Variants in GDA observed in about 807,000 individuals in gnomAD.
GDA encodes the protein cytoplasmic PSD-95 interactor.
In GDA, 18 loss-of-function variants were observed where a neutral mutation model predicts 59.6. That is an observed-to-expected ratio of 0.30 (90% CI 0.21 to 0.45). The LOEUF is 0.45. Ranked by LOEUF, GDA falls within the 20% of genes least tolerant of loss-of-function variation. GDA has a pLI of 1.00. For synonymous variants in GDA, 201 were observed against 201.1 expected (o/e 1.00, Z 0.00); for missense variants, 427 against 552.3 (o/e 0.77, Z 2.27).
chr9:72,168,987 A>T (rs937712638), intron 1 of GDA, among the ~76,000 whole-genome samples: 2 of 152,230 alleles, frequency 1.3e-5, no homozygotes, highest in Non-Finnish European at 2.9e-5. Flanking sequence ...CTCAAGATAT[A>T]GTCACCAGCC....
chr9:72,228,146 CTG>C, intron 9 of GDA, 106 bp downstream of exon 9: 2 of 709,684 alleles, frequency 2.8e-6, no homozygotes, highest in African/African-American at 1.7e-5. Context: ...CCCCTCTATT[CTG>C]TGTTTGGCAG....
At chr9:72,181,465 C>A (rs566603105) in intron 1 of GDA, among the ~76,000 whole-genome samples, 1 of 152,246 alleles carries the variant, frequency 6.6e-6, no homozygotes, top group East Asian at 1.9e-4. Context: ...ACTGGGATTA[C>A]AAGCGCCCGC....
intron 1 of GDA, among the ~76,000 whole-genome samples, chr9:72,133,310 ATAAT>A (rs1335046711): frequency 8.1e-6 from 1 of 123,472 alleles, no homozygotes; most frequent in African/African-American, 2.8e-5. Context: ...AAAAAAAAAA[ATAAT>A]AATAATAATA....
chr9:72,116,571 C>G (rs1002783947), intron 1 of GDA, among the ~76,000 whole-genome samples: 3 of 151,786 alleles, frequency 2.0e-5, no homozygotes, highest in African/African-American at 4.8e-5. Context: ...TTAGTAGAGA[C>G]GGAGTTTCAC....
At chr9:72,195,099 C>T (rs1335579059) in intron 1 of GDA, among the ~76,000 whole-genome samples, 2 of 152,200 alleles carry the variant, frequency 1.3e-5, no homozygotes, top group Non-Finnish European at 2.9e-5. Flanking sequence ...ACCATGACTG[C>T]TCACCTGATT....
At chr9:72,240,549 T>G (rs74410621) in intron 10 of GDA, among the ~76,000 whole-genome samples, 2,093 of 152,298 alleles carry the variant, frequency 0.014, 45 homozygotes, top group African/African-American at 0.048. Context: ...AAATGTGACC[T>G]CATTTGGAAT....
Position 72,197,946 on chromosome 9 carries a change from G to C in GDA, c.212+2358G>C, listed in dbSNP as rs181734280. 2.3e-3 allele frequency among the ~76,000 whole-genome samples: 351 copies of C among 152,250 alleles called. 2 individuals are homozygous for C. Among genetic ancestry groups the C allele is most frequent in the African/African-American group, 8.2e-3 (341 of 41,540 alleles). On this transcript the variant is annotated intron_variant, in intron 2 of 13. Coordinates refer to ENST00000358399, the MANE Select transcript of GDA (RefSeq NM_004293.5). ...GCAGTGCTGTGGTAGGAGTGAATCA[G>C]ATGGTGGCCATGGACCCTGGACAGG...
At chr9:72,165,740 A>C (rs1307262427) in intron 1 of GDA, among the ~76,000 whole-genome samples, 1 of 152,066 alleles carries the variant, frequency 6.6e-6, no homozygotes, top group Non-Finnish European at 1.5e-5. Flanking sequence ...TCTACTAAAA[A>C]TACAAAAATT....
At chr9:72,230,141 G>A (rs548794453) in intron 9 of GDA, among the ~76,000 whole-genome samples, 16 of 152,110 alleles carry the variant, frequency 1.1e-4, no homozygotes, top group Non-Finnish European at 2.2e-4. Flanking sequence ...AAACCACTTT[G>A]ACCTTTGCAA....
chr9:72,197,882 G>T (rs1325921347), intron 2 of GDA, among the ~76,000 whole-genome samples: 1 of 152,062 alleles, frequency 6.6e-6, no homozygotes, highest in African/African-American at 2.4e-5. Context: ...GTACTGTCTG[G>T]ATTTTTAGAA....
chr9:72,191,566 G>A (rs1315143127), intron 1 of GDA, among the ~76,000 whole-genome samples: 2 of 151,680 alleles, frequency 1.3e-5, no homozygotes, highest in African/African-American at 4.8e-5. Context: ...CCGCCTCCCG[G>A]GTTCACGCCA....
rs774875290 is a variant in GDA, at chr9:72,130,447, A to G, written c.-100+15614A>G. 2.6e-5 allele frequency among the ~76,000 whole-genome samples: 4 copies of G among 152,242 alleles called. No homozygotes were observed. The South Asian group carries it at 8.3e-4, about 31-fold the overall frequency. ...AAAAAGTGACCATTAAGAACATTACATAAGAAGCAGCTGAGTCCTACTGAG... is the reference window on the plus strand; with the variant it reads ...AAAAAGTGACCATTAAGAACATTACGTAAGAAGCAGCTGAGTCCTACTGAG... On this transcript the variant is annotated intron_variant, in intron 1 of 13. Coordinates refer to the GDA transcript ENST00000545168.
rs749764388 is a variant in GDA, at chr9:72,228,040, C to T, written c.920C>T (p.Ser307Leu). The change falls in exon 9 of 14, where the codon TCG (serine) becomes TTG (leucine). Residue 307 changes from serine (S) to leucine (L), a missense_variant and splice_region_variant. Coordinates refer to ENST00000358399, the MANE Select transcript of GDA (RefSeq NM_004293.5). ...GCACACTGTCCCAATTCTAATTTAT[C>T]GTAAGTAGACAATGATTGTTTGGTA... ...SIAHCPNSNL[S>L]LSSGFLNVLE... is the part of the protein sequence containing the mutation. 32 of 1,478,058 alleles carry T rather than the reference C, an allele frequency of 2.2e-5. No individual in the cohort carries two copies. Among genetic ancestry groups the T allele is most frequent in the South Asian group, 3.4e-5 (3 of 87,306 alleles). The allele number at this position is 1,478,058 out of a possible 1,614,324, so 91.6% of individuals were successfully genotyped here.
At chr9:72,205,977 T>C (rs1834641699) in intron 3 of GDA, among the ~76,000 whole-genome samples, 1 of 152,220 alleles carries the variant, frequency 6.6e-6, no homozygotes, top group African/African-American at 2.4e-5. Flanking sequence ...TTCAATTTCA[T>C]CTTTAAGTCA....
intron 1 of GDA, among the ~76,000 whole-genome samples, chr9:72,125,812 T>G (rs1825826906): frequency 6.6e-6 from 1 of 152,178 alleles, no homozygotes; most frequent in Non-Finnish European, 1.5e-5. Flanking sequence ...CCCAATGTCC[T>G]GATCCTCCCA....
At chr9:72,210,891 A>G in intron 4 of GDA, 117 bp downstream of exon 4, 2 of 663,370 alleles carry the variant, frequency 3.0e-6, no homozygotes, top group Non-Finnish European at 5.4e-6. Context: ...GAACATGAGC[A>G]TTACATTTTT....
At chr9:72,150,531 G>A (rs966042497) in intron 1 of GDA, among the ~76,000 whole-genome samples, 1 of 152,130 alleles carries the variant, frequency 6.6e-6, no homozygotes, top group Non-Finnish European at 1.5e-5. Context: ...ATCAGCCATG[G>A]CCTGGCAAGT....
At chr9:72,183,088 T>C (rs1485428151) in intron 1 of GDA, among the ~76,000 whole-genome samples, 1 of 152,136 alleles carries the variant, frequency 6.6e-6, no homozygotes, top group East Asian at 1.9e-4. Context: ...CTGGAGTCAC[T>C]TGGTTCTGTT....
chr9:72,258,572 G>A (rs1470345169), downstream of GDA, among the ~76,000 whole-genome samples: 2 of 152,214 alleles, frequency 1.3e-5, no homozygotes, highest in African/African-American at 4.8e-5. Context: ...TGGGGCAGCT[G>A]GCCCCAAAGA....
Sources: allele counts gnomAD v4.1 joint callset (sites outside exome capture counted in the v4.1 genomes callset), GRCh38; gene constraint gnomAD v4.1.1; transcripts MANE v1.5; gene names NCBI Gene and HGNC (gene_info 2026-07-23, HGNC 2026-07-21).